PDGFRA: variants seen among roughly 807,000 people sequenced by gnomAD.
PDGFRA encodes the protein platelet derived growth factor receptor alpha.
Under a neutral mutation model 121.5 loss-of-function variants are expected in PDGFRA, and 25 were observed. That is an observed-to-expected ratio of 0.21 (90% CI 0.15 to 0.29). The LOEUF (loss-of-function observed/expected upper bound fraction) is 0.29. PDGFRA is among the 10% of genes least tolerant of loss of function. The probability of loss-of-function intolerance (pLI) is 1.00; values close to 1 mark genes in which losing one functional copy is unlikely to be tolerated. For synonymous variants in PDGFRA, 463 were observed against 494.8 expected, an observed-to-expected ratio of 0.94 and a Z score of 0.85; for missense variants, 1,008 against 1,345.1, an observed-to-expected ratio of 0.75 and a Z score of 3.92.
In PDGFRA at chr4:54,277,442, G is replaced by C. The variant is rs1452541160; in HGVS notation, c.1841G>C (p.Gly614Ala). 1 of 1,614,106 alleles carries C rather than the reference G, an allele frequency of 6.2e-7. No homozygotes were observed. Among genetic ancestry groups the C allele is most frequent in the Non-Finnish European group, 8.5e-7 (1 of 1,179,988 alleles). The change falls in exon 13 of 23, where the codon GGA (glycine) becomes GCA (alanine). Residue 614 changes from glycine to alanine, a missense_variant. By Grantham distance (60) the Gly-to-Ala change is moderately conservative. Coordinates refer to ENST00000257290, the MANE Select transcript of PDGFRA (RefSeq NM_006206.6). ...FGKVVEGTAYGLSRSQPVMKV... is the reference protein window; with the variant it reads ...FGKVVEGTAYALSRSQPVMKV... ...AAGGTGGTTGAAGGAACAGCCTATG[G>C]ATTAAGCCGGTCCCAACCTGTCATG...
At chr4:54,272,277 C>A (rs1007301868) in intron 8 of PDGFRA, 117 bp from the exon 9 acceptor site, 1 of 1,047,678 alleles carries the variant, frequency 9.5e-7, no homozygotes, top group Non-Finnish European at 1.5e-6. Context: ...TGGTTTCAGC[C>A]CCTCCGGAGT....
At position 54,270,729 on chromosome 4, in the gene PDGFRA, T is replaced by G. The variant is rs1424842368; in HGVS notation, c.1218T>G (p.Thr406=). 3.8e-6 allele frequency: 6 copies of G among 1,579,298 alleles called. No homozygotes were observed. Among genetic ancestry groups the G allele is most frequent in the Non-Finnish European group, 5.2e-6 (6 of 1,148,410 alleles). ...ATGAAGATGCTGTGAAGAGCTATAC[T>G]TTTGAACTGTTAACTCAAGGTATGT... ...AQNEDAVKSY[T]FELLTQVPSS... Residue 406 remains threonine (T), a synonymous_variant, in exon 8 of 23, where the codon ACT becomes ACG. Transcript: ENST00000257290.
chr4:54,234,375 G>T (rs1218600024), intron 1 of PDGFRA, among the ~76,000 whole-genome samples: 1 of 152,216 alleles, frequency 6.6e-6, no homozygotes, highest in African/African-American at 2.4e-5. Context: ...AGAATTCCTC[G>T]CAGCGGCGTC....
chr4:54,250,187 A>G (rs932019619), intron 1 of PDGFRA, among the ~76,000 whole-genome samples: 4 of 152,352 alleles, frequency 2.6e-5, no homozygotes, highest in African/African-American at 7.2e-5. Flanking sequence ...AGTCTCCCCT[A>G]TATCAATGAG....
At chr4:54,281,957 A>G (rs2110329231) in intron 16 of PDGFRA, 1 of 1,094,204 alleles carries the variant, frequency 9.1e-7, no homozygotes. Flanking sequence ...TAAAAAGAAA[A>G]TAAAGCAATT....
At chr4:54,251,019 C>T (rs1348859075) in intron 1 of PDGFRA, among the ~76,000 whole-genome samples, 3 of 147,940 alleles carry the variant, frequency 2.0e-5, no homozygotes, top group Admixed American at 6.9e-5. Flanking sequence ...GAGCTGAGAT[C>T]GCACCATTGC....
chr4:54,285,462 A>C lies in PDGFRA; in HGVS notation c.2415A>C (p.Gly805=). 1 of 1,552,518 alleles carries C rather than the reference A, an allele frequency of 6.4e-7. No individual in the cohort carries two copies. Among genetic ancestry groups the C allele is most frequent in the Non-Finnish European group, 8.9e-7 (1 of 1,123,728 alleles). Residue 805 remains glycine (G), a synonymous_variant, in exon 17 of 23, where the codon GGA becomes GGC. Transcript: ENST00000257290. The part of the protein sequence containing the change: ...LLSFTYQVAR[G]MEFLASKNCV... Reference sequence around the variant, plus strand: ...GCTTCACCTATCAAGTTGCCCGAGGAATGGAGTTTTTGGCTTCAAAAAATG... The same window carrying C: ...GCTTCACCTATCAAGTTGCCCGAGGCATGGAGTTTTTGGCTTCAAAAAATG...
At position 54,295,087 on chromosome 4, in the gene PDGFRA, C is replaced by T. The variant is rs3733540; in HGVS notation, c.3123-38C>T. 1,330,349 of 1,598,460 alleles carry T rather than the reference C, an allele frequency of 0.83. 560,243 individuals carry two copies. Among genetic ancestry groups the T allele is most frequent in the Middle Eastern group, 0.88 (5,320 of 6,024 alleles). On this transcript the variant is annotated intron_variant, in intron 22 of 22. Transcript: ENST00000257290. ...GCCACAGTCTAGGTCTAGTTCTGTG[C>T]AGGAGTTGTAATATTTGCTCTTCTC...
chr4:54,275,074 T>A, intron 12 of PDGFRA, 101 bp downstream of exon 12: 1 of 1,288,756 alleles, frequency 7.8e-7, no homozygotes. Context: ...TTGTGCTTAG[T>A]AAGAACTAGG....
At chr4:54,284,801 C>CGT (rs3068267) in intron 16 of PDGFRA, among the ~76,000 whole-genome samples, 138,922 of 147,252 alleles carry the variant, frequency 0.94, 66,007 homozygotes, top group Non-Finnish European at 1. Flanking sequence ...TATATCATTG[C>CGT]GTGTGTGTGT....
intron 1 of PDGFRA, among the ~76,000 whole-genome samples, chr4:54,234,444 G>A (rs546074770): frequency 2.6e-5 from 4 of 152,216 alleles, no homozygotes; most frequent in South Asian, 4.1e-4. Flanking sequence ...CTGGCCACTC[G>A]TAAGAACTAC....
In PDGFRA at chr4:54,258,424, A is replaced by G. The variant is rs9991165; in HGVS notation, c.-12-333A>G. ...CTTTATTAATTGAAACGTGAAAATC[A>G]GCTCTAGTTTGGAAGCTGAGAAAAA... On this transcript the variant is annotated intron_variant, in intron 1 of 22. Coordinates refer to ENST00000257290, the MANE Select transcript of PDGFRA (RefSeq NM_006206.6). Among the ~76,000 whole-genome samples, 34,933 of 152,010 alleles carry G rather than the reference A, an allele frequency of 0.23. 4,905 individuals carry two copies. Among genetic ancestry groups the G allele is most frequent in the African/African-American group, 0.37 (15,372 of 41,414 alleles).
intron 1 of PDGFRA, among the ~76,000 whole-genome samples, chr4:54,246,916 T>A (rs1443668925): frequency 1.3e-5 from 2 of 150,768 alleles, no homozygotes; most frequent in African/African-American, 4.9e-5. Context: ...AAATGCAAAC[T>A]ACCATCAGAG....
chr4:54,243,949 A>T (rs1314479782), intron 1 of PDGFRA, among the ~76,000 whole-genome samples: 1 of 152,122 alleles, frequency 6.6e-6, no homozygotes, highest in Non-Finnish European at 1.5e-5. Context: ...ACGCCCACAG[A>T]GTCTCGCTGA....
At chr4:54,288,285 A>G (rs1724452231) in intron 19 of PDGFRA, among the ~76,000 whole-genome samples, 1 of 152,196 alleles carries the variant, frequency 6.6e-6, no homozygotes, top group Non-Finnish European at 1.5e-5. Context: ...ATGTAATAGT[A>G]AAGTGTGTCT....
chr4:54,288,569 A>G (rs1309465249), intron 19 of PDGFRA, among the ~76,000 whole-genome samples: 1 of 152,048 alleles, frequency 6.6e-6, no homozygotes, highest in Admixed American at 6.5e-5. Context: ...CTAAAGATGT[A>G]GAATTTTTGT....
intron 4 of PDGFRA, chr4:54,264,670 G>A (rs1577710852): frequency 7.2e-6 from 3 of 417,430 alleles, no homozygotes; most frequent in East Asian, 5.1e-5. Flanking sequence ...TGAGGAATGC[G>A]GTGTTCTGTT....
In PDGFRA at chr4:54,290,364, G is replaced by T. The variant is rs770822231; in HGVS notation, c.2932G>T (p.Ala978Ser). 1.9e-6 allele frequency: 3 copies of T among 1,611,746 alleles called. No homozygotes were observed. The Admixed American group carries it at 5.0e-5, about 27-fold the overall frequency. ...CCTGAAGAGTGACCATCCTGCTGTG[G>T]CACGCATGCGTGTGGACTCAGACAA... is the stretch of plus-strand genomic sequence containing the variant. ...DFLKSDHPAVARMRVDSDNAY... is the reference protein window; with the variant it reads ...DFLKSDHPAVSRMRVDSDNAY... The change falls in exon 22 of 23, where the codon GCA becomes TCA. Residue 978 changes from alanine to serine, a missense_variant. Ala to Ser is a moderately conservative substitution (Grantham distance 99). Around this residue, in one of 5 missense-constraint regions of PDGFRA, gnomAD observed 204 missense variants for 243.0 expected, o/e 0.84. Transcript: ENST00000257290.
intron 21 of PDGFRA, among the ~76,000 whole-genome samples, chr4:54,289,815 A>C (rs538111186): frequency 1.3e-5 from 2 of 152,242 alleles, no homozygotes; most frequent in African/African-American, 4.8e-5. Flanking sequence ...GTGAGGAGGC[A>C]GAAGGAAATT....
Sources: allele counts gnomAD v4.1 joint callset (sites outside exome capture counted in the v4.1 genomes callset), GRCh38; gene constraint gnomAD v4.1.1; regional missense constraint gnomAD v4.1.1; transcripts MANE v1.5; gene names NCBI Gene and HGNC (gene_info 2026-07-23, HGNC 2026-07-21).